The following MTPN variants were observed in gnomAD, a reference collection of about 807,000 sequenced individuals.
MTPN encodes myotrophin.
A neutral mutation model predicts 13.5 loss-of-function variants in MTPN; 2 were observed. The ratio of observed to expected loss-of-function variants is 0.15; its 90% confidence interval spans 0.06 to 0.47. The LOEUF (loss-of-function observed/expected upper bound fraction) is 0.47, where lower values mean the gene tolerates loss of function less well. Ranked by LOEUF, MTPN falls within the 20% of genes least tolerant of loss-of-function variation. The pLI is 0.97. For missense variants in MTPN, 79 were observed against 137.9 expected, an observed-to-expected ratio of 0.57 and a Z score of 2.14; for synonymous variants, 46 against 51.7, an observed-to-expected ratio of 0.89 and a Z score of 0.48.
chr7:135,961,534 T>A (rs1029794639), intron 1 of MTPN, among the ~76,000 whole-genome samples: 1 of 151,892 alleles, frequency 6.6e-6, no homozygotes, highest in Admixed American at 6.6e-5. Context: ...TTTTTTTTTT[T>A]CTTTCTTTTT....
At chr7:135,968,696 G>A (rs1799642720) in intron 1 of MTPN, among the ~76,000 whole-genome samples, 1 of 146,874 alleles carries the variant, frequency 6.8e-6, no homozygotes, top group Non-Finnish European at 1.5e-5. Flanking sequence ...AAAGTATTAT[G>A]TCCCACAGAT....
At chr7:135,966,430 T>C (rs949118907) in intron 1 of MTPN, among the ~76,000 whole-genome samples, 1 of 152,110 alleles carries the variant, frequency 6.6e-6, no homozygotes, top group Non-Finnish European at 1.5e-5. Flanking sequence ...CCATCATGCA[T>C]ATCCCTAAGC....
rs1799550035 is a variant in MTPN at position 135,963,080 on chromosome 7, GGACACCT to G, written c.73-11457_73-11451del. Among the ~76,000 whole-genome samples, 3 of 151,836 alleles carry G rather than the reference GGACACCT, an allele frequency of 2.0e-5. No homozygotes were observed. The South Asian group carries it at 6.2e-4, about 32-fold the overall frequency. ...TACCACAGCATGTAAACTAAATATT[GGACACCT>G]GACAGTAGAAAGCAGCAAAAGTATT... On this transcript the variant is annotated intron_variant, in intron 1 of 3. Transcript: ENST00000393085.
intron 2 of MTPN, among the ~76,000 whole-genome samples, chr7:135,951,203 TG>T (rs1297709842): frequency 1.3e-5 from 2 of 152,202 alleles, no homozygotes; most frequent in Non-Finnish European, 2.9e-5. Context: ...AGTCCTATGC[TG>T]TATTACATCA....
chr7:135,973,757 C>T (rs1453840994), intron 1 of MTPN, among the ~76,000 whole-genome samples: 4 of 152,170 alleles, frequency 2.6e-5, no homozygotes, highest in African/African-American at 7.2e-5. Context: ...TTATAATTTG[C>T]ATACTACTAT....
chr7:135,963,311 C>T (rs1015991999), intron 1 of MTPN, among the ~76,000 whole-genome samples: 1 of 151,932 alleles, frequency 6.6e-6, no homozygotes, highest in African/African-American at 2.4e-5. Flanking sequence ...CTCCTCCCTA[C>T]CCAATCCCCC....
intron 1 of MTPN, among the ~76,000 whole-genome samples, chr7:135,956,343 T>C (rs1309457084): frequency 6.6e-6 from 1 of 152,212 alleles, no homozygotes; most frequent in Admixed American, 6.5e-5. Context: ...CATTACCAGT[T>C]ACAGAAAAAA....
chr7:135,935,726 T>C (rs947203585), intron 3 of MTPN, among the ~76,000 whole-genome samples: 14 of 152,196 alleles, frequency 9.2e-5, no homozygotes, highest in African/African-American at 3.4e-4. Context: ...TCATAGGCCT[T>C]GCTAAATCCT....
intron 3 of MTPN, among the ~76,000 whole-genome samples, chr7:135,935,426 G>GAGAT (rs1485026698): frequency 6.6e-6 from 1 of 152,076 alleles, no homozygotes; most frequent in Non-Finnish European, 1.5e-5. Flanking sequence ...ATTTTTAGTA[G>GAGAT]AGATAGGGTT....
intron 3 of MTPN, among the ~76,000 whole-genome samples, chr7:135,941,414 T>C (rs750912941): frequency 7.0e-5 from 7 of 99,842 alleles, no homozygotes; most frequent in Non-Finnish European, 1.6e-4. Flanking sequence ...AAAGCATTTG[T>C]TGAGAACTTT....
intron 3 of MTPN, among the ~76,000 whole-genome samples, chr7:135,945,426 T>C (rs1362669406): frequency 6.6e-6 from 1 of 152,222 alleles, no homozygotes; most frequent in African/African-American, 2.4e-5. Context: ...TGCACAGCTG[T>C]AGAAAAATAT....
intron 1 of MTPN, among the ~76,000 whole-genome samples, chr7:135,964,474 G>C (rs1048427598): frequency 6.6e-6 from 1 of 152,018 alleles, no homozygotes; most frequent in African/African-American, 2.4e-5. Context: ...CTCACATTAG[G>C]GCTGGGAAGA....
chr7:135,958,210 T>G (rs934022850), intron 1 of MTPN, among the ~76,000 whole-genome samples: 1 of 152,192 alleles, frequency 6.6e-6, no homozygotes, highest in Non-Finnish European at 1.5e-5. Flanking sequence ...GGTATGTTAT[T>G]TATATACTTT....
At chr7:135,964,662 G>A (rs544007604) in intron 1 of MTPN, among the ~76,000 whole-genome samples, 1 of 152,070 alleles carries the variant, frequency 6.6e-6, no homozygotes, top group South Asian at 2.1e-4. Context: ...GAAATTCTAT[G>A]TTTTTTCTTT....
intron 1 of MTPN, among the ~76,000 whole-genome samples, chr7:135,974,122 TAAGTTCAA>T (rs1324180888): frequency 6.6e-6 from 1 of 152,236 alleles, no homozygotes; most frequent in African/African-American, 2.4e-5. Flanking sequence ...CTGACTTTTC[TAAGTTCAA>T]GAACTCACCT....
intron 3 of MTPN, among the ~76,000 whole-genome samples, chr7:135,939,436 C>T (rs147643994): frequency 9.2e-5 from 14 of 152,048 alleles, no homozygotes; most frequent in Non-Finnish European, 1.5e-4. Flanking sequence ...GTGAAATCCT[C>T]AGACTCCCTT....
chr7:135,954,547 G>T (rs1164946241), intron 1 of MTPN, among the ~76,000 whole-genome samples: 2 of 152,116 alleles, frequency 1.3e-5, no homozygotes, highest in South Asian at 2.1e-4. Flanking sequence ...AGCTAGACAG[G>T]ATTAACTGGA....
chr7:135,971,370 C>T (rs1037585858), intron 1 of MTPN, among the ~76,000 whole-genome samples: 1 of 152,190 alleles, frequency 6.6e-6, no homozygotes, highest in East Asian at 1.9e-4. Flanking sequence ...TCCTCAAAAT[C>T]CACCAGAAAG....
chr7:135,969,937 G>C (rs1234190040), intron 1 of MTPN, among the ~76,000 whole-genome samples: 1 of 152,166 alleles, frequency 6.6e-6, no homozygotes, highest in East Asian at 1.9e-4. Context: ...ATGATGCCCA[G>C]TGCTGTTGAT....
Sources: gnomAD v4.1 joint callset for allele counts (sites outside exome capture counted in the v4.1 genomes callset) on GRCh38, gnomAD v4.1.1 for gene constraint, MANE v1.5 for transcripts, NCBI Gene and HGNC (gene_info 2026-07-23, HGNC 2026-07-21) for gene names.